The following GLYATL1B variants were observed in gnomAD, a reference collection of about 807,000 sequenced individuals.
GLYATL1B encodes putative glycine N-acyltransferase-like protein 1B.
In GLYATL1B, 6 loss-of-function variants were observed where a neutral mutation model predicts 5.5. The ratio of observed to expected loss-of-function variants is 1.09; its 90% CI spans 0.60 to 2.15. The LOEUF is 2.15. GLYATL1B is among the 30% of genes most tolerant of loss of function. The pLI, the probability that GLYATL1B is intolerant of heterozygous loss-of-function variation, is 0.00. For missense variants in GLYATL1B, 135 were observed against 94.1 expected, an observed-to-expected ratio of 1.43 and a Z score of -1.80; for synonymous variants, 67 against 34.9, an observed-to-expected ratio of 1.92 and a Z score of -3.24.
At chr11:59,089,216 C>T (rs1437566956) in intron 2 of GLYATL1B, among the ~76,000 whole-genome samples, 1 of 152,178 alleles carries the variant, frequency 6.6e-6, no homozygotes, top group African/African-American at 2.4e-5. Context: ...CTGTGGCGTT[C>T]CATAGAGTCA....
In GLYATL1B at chr11:59,094,069, G is replaced by T. The variant is rs1169432810; in HGVS notation, c.449G>T (p.Gly150Val). 1 of 660,256 alleles carries T rather than the reference G, an allele frequency of 1.5e-6. No individual in the cohort carries two copies. Among genetic ancestry groups the T allele is most frequent in the East Asian group, 2.7e-5 (1 of 36,928 alleles). The allele number at this position is 660,256 out of a possible 1,614,324, so 40.9% of individuals were successfully genotyped here. A position where few individuals can be genotyped will look rare whatever the true frequency, so the allele number is the denominator to read the frequency against. Residue 150 changes from glycine (G) to valine (V), a missense_variant, in exon 4 of 5, where the codon GGA becomes GTA. Transcript: ENST00000527482. ...KLYATNKSKL[G>V]SWAETGHPDD... ...TATGCCACCAATAAAAGCAAGCTTG[G>T]AAGCTGGGCTGAGACAGGCCACCCA...
At chr11:59,094,167 A>G (rs1444027677) in intron 4 of GLYATL1B, 56 bp downstream of exon 4, 3 of 533,416 alleles carry the variant, frequency 5.6e-6, no homozygotes, top group Non-Finnish European at 1.0e-5. Context: ...CATTTTTGTA[A>G]TTCACATAAA....
At chr11:59,094,268 C>A in intron 4 of GLYATL1B, 101 bp from the exon 5 acceptor site, 1 of 488,510 alleles carries the variant, frequency 2.0e-6, no homozygotes, top group Non-Finnish European at 3.7e-6. Flanking sequence ...AATGGTGGGT[C>A]TTTTAACAAG....
At position 59,091,965 on chromosome 11, in the gene GLYATL1B, TATTTC is replaced by T. The variant is rs1859321929; in HGVS notation, c.187-1553_187-1549del. 3.3e-5 allele frequency among the ~76,000 whole-genome samples: 5 copies of T among 152,362 alleles called. No homozygotes were observed. The South Asian group carries it at 1.0e-3, about 32-fold the overall frequency. On this transcript the variant is annotated intron_variant, in intron 2 of 4. Transcript: ENST00000527482. ...TCTTGTCCACTTTTCAAATGGTAGA[TATTTC>T]ATTTCATTTCCGATATTTCTATTAG...
At chr11:59,089,211 G>A (rs1214497450) in intron 2 of GLYATL1B, among the ~76,000 whole-genome samples, 1 of 152,142 alleles carries the variant, frequency 6.6e-6, no homozygotes, top group African/African-American at 2.4e-5. Context: ...AATAACTGTG[G>A]CGTTCCATAG....
rs1384591950 is a variant in GLYATL1B, at chr11:59,087,184, A to G, written c.186+13A>G. 3.4e-6 allele frequency: 2 copies of G among 588,586 alleles called. No homozygotes were observed. Among genetic ancestry groups the G allele is most frequent in the Non-Finnish European group, 6.1e-6 (2 of 328,942 alleles). 36.5% of individuals were successfully genotyped at this position (588,586 alleles called of 1,614,324 possible). The stretch of plus-strand genomic sequence containing the variant: ...ACCTCAAAAACAGGTAGGCACACAG[A>G]CAGGGACTGGTGGAGCCAGGCAGGT... On this transcript the variant is annotated intron_variant, in intron 2 of 4. Coordinates refer to ENST00000527482, the MANE Select transcript of GLYATL1B (RefSeq NM_001355566.1).
intron 2 of GLYATL1B, among the ~76,000 whole-genome samples, chr11:59,091,136 T>C (rs543734579): frequency 4.7e-4 from 72 of 152,300 alleles, no homozygotes; most frequent in African/African-American, 1.7e-3. Flanking sequence ...TCTTTTCATA[T>C]GCTACTGAAT....
At chr11:59,092,032 G>C (rs1463150855) in intron 2 of GLYATL1B, among the ~76,000 whole-genome samples, 3 of 152,118 alleles carry the variant, frequency 2.0e-5, no homozygotes, top group African/African-American at 4.8e-5. Context: ...AGTCAATTTT[G>C]ATAGTTTATT....
intron 2 of GLYATL1B, among the ~76,000 whole-genome samples, chr11:59,091,190 G>T (rs1004140670): frequency 2.6e-5 from 4 of 152,138 alleles, no homozygotes; most frequent in African/African-American, 9.6e-5. Context: ...AGCCAATATG[G>T]TCAGTAACTC....
chr11:59,093,782 G>A (rs1324599784), intron 3 of GLYATL1B, 127 bp downstream of exon 3: 1 of 438,082 alleles, frequency 2.3e-6, no homozygotes, highest in Non-Finnish European at 4.1e-6. Flanking sequence ...GCTGGGAGAG[G>A]TGGAGCAATC....
At chr11:59,090,264 A>C (rs1297748516) in intron 2 of GLYATL1B, among the ~76,000 whole-genome samples, 1 of 151,984 alleles carries the variant, frequency 6.6e-6, no homozygotes, top group Non-Finnish European at 1.5e-5. Context: ...ATTTCTTATA[A>C]ACTTCAGAGC....
At chr11:59,089,938 G>A (rs1859273390) in intron 2 of GLYATL1B, among the ~76,000 whole-genome samples, 1 of 151,434 alleles carries the variant, frequency 6.6e-6, no homozygotes, top group Non-Finnish European at 1.5e-5. Flanking sequence ...TTTTCATTTT[G>A]TCTTACAGTG....
At position 59,094,513 on chromosome 11, in the gene GLYATL1B, C is replaced by T. The variant is rs1343236511; in HGVS notation, c.636C>T (p.Gly212=). 3 of 793,744 alleles carry T rather than the reference C, an allele frequency of 3.8e-6. No individual in the cohort carries two copies. Among genetic ancestry groups the T allele is most frequent in the African/African-American group, 1.7e-5 (1 of 57,874 alleles). The allele number at this position is 793,744 out of a possible 1,614,324, so 49.2% of individuals were successfully genotyped here. The change falls in exon 5 of 5, where the codon GGC becomes GGT. Residue 212 remains glycine (G), a synonymous_variant. Coordinates refer to ENST00000527482, the MANE Select transcript of GLYATL1B (RefSeq NM_001355566.1). ...CCCTGCCAGCAGCCTGTATGCTGGG[C>T]CCAGAGGGGGTCCCGGTCTCATGGG... The part of the protein sequence containing the change: ...LGALPAACML[G]PEGVPVSWVT...
intron 2 of GLYATL1B, among the ~76,000 whole-genome samples, chr11:59,091,544 C>A (rs554845599): frequency 2.6e-5 from 4 of 152,172 alleles, no homozygotes; most frequent in Admixed American, 2.6e-4. Flanking sequence ...ACATTTATGT[C>A]CATGTATGTT....
intron 2 of GLYATL1B, among the ~76,000 whole-genome samples, chr11:59,088,563 G>A (rs1176612796): frequency 1.3e-5 from 2 of 152,176 alleles, no homozygotes; most frequent in Non-Finnish European, 2.9e-5. Context: ...TTTCTTCAAA[G>A]TGTCATACGC....
At chr11:59,094,145 C>T (rs541882762) in intron 4 of GLYATL1B, 34 bp downstream of exon 4, 10 of 561,070 alleles carry the variant, frequency 1.8e-5, no homozygotes, top group East Asian at 3.0e-5. Context: ...TTTATAATTG[C>T]TATTCCTTGT....
intron 2 of GLYATL1B, among the ~76,000 whole-genome samples, chr11:59,091,071 ATCT>A (rs1326450839): frequency 6.6e-6 from 1 of 152,134 alleles, no homozygotes; most frequent in African/African-American, 2.4e-5. Flanking sequence ...ACCCTAAAAG[ATCT>A]TCTGATCAAA....
intron 2 of GLYATL1B, among the ~76,000 whole-genome samples, chr11:59,087,890 C>T (rs1055954025): frequency 2.0e-5 from 3 of 152,152 alleles, no homozygotes; most frequent in African/African-American, 7.2e-5. Context: ...GGAAGGGACA[C>T]ACAATTACTT....
In GLYATL1B at chr11:59,087,144, G is replaced by T. The variant is rs1859208065; in HGVS notation, c.159G>T (p.Gln53His). ...EVLVDSWPEY[Q>H]MVIIRPQKQE... ...TGGTGGACTCCTGGCCCGAGTATCAGATGGTTATTATCCGACCTCAAAAAC... is the reference window on the plus strand; with the variant it reads ...TGGTGGACTCCTGGCCCGAGTATCATATGGTTATTATCCGACCTCAAAAAC... The change falls in exon 2 of 5, where the codon CAG (glutamine) becomes CAT (histidine). Residue 53 changes from glutamine to histidine, a missense_variant. Gln to His is a conservative substitution (Grantham distance 24, BLOSUM62 0). Transcript: ENST00000527482. The T allele has an allele frequency of 3.1e-6, 2 of 646,286 alleles. No individual in the cohort carries two copies. Among genetic ancestry groups the T allele is most frequent in the Non-Finnish European group, 5.6e-6 (2 of 356,482 alleles). 40.0% of individuals were successfully genotyped at this position (646,286 alleles called of 1,614,324 possible). A position where few individuals can be genotyped will look rare whatever the true frequency, so the allele number is the denominator to read the frequency against.
Sources: allele counts gnomAD v4.1 joint callset (sites outside exome capture counted in the v4.1 genomes callset), GRCh38; gene constraint gnomAD v4.1.1; transcripts MANE v1.5; gene names NCBI Gene and HGNC (gene_info 2026-07-23, HGNC 2026-07-21).